Variants in BMP7 observed in about 807,000 individuals in gnomAD.
BMP7 encodes osteogenic protein 1.
Under a neutral mutation model 41.2 loss-of-function variants are expected in BMP7, and 12 were observed. That is an observed-to-expected ratio of 0.29 (90% CI 0.19 to 0.47). The LOEUF is 0.47. BMP7 is among the 20% of genes least tolerant of loss of function. The pLI, the probability that BMP7 is intolerant of heterozygous loss-of-function variation, is 0.99. For missense variants in BMP7, 467 were observed against 606.0 expected (o/e 0.77, Z 2.41); for synonymous variants, 248 against 250.0 (o/e 0.99, Z 0.07).
chr20:57,226,679 C>T (rs2066007721), intron 2 of BMP7, among the ~76,000 whole-genome samples: 1 of 152,206 alleles, frequency 6.6e-6, no homozygotes, highest in Non-Finnish European at 1.5e-5. Context: ...AAAACAGCAA[C>T]ACAGATTCCT....
chr20:57,169,538 C>T lies in BMP7; in HGVS notation c.*1421G>A, dbSNP rs1258925648. 6.6e-6 allele frequency: 1 copy of T among 152,234 alleles called. No homozygotes were observed. The highest frequency in any genetic ancestry group is 2.4e-5 in the African/African-American group (1 of 41,446). 9.4% of individuals were successfully genotyped at this position (152,234 alleles called of 1,614,324 possible). A position where few individuals can be genotyped will look rare whatever the true frequency, so the allele number is the denominator to read the frequency against. On this transcript the variant is annotated 3_prime_UTR_variant, in exon 7 of 7. Transcript: ENST00000395863. Reference sequence around the variant, plus strand: ...ATGTAAGTCCAGCACATCCTGCACCCATCAGACCTCCTATTATGCCATCTC... The same window carrying T: ...ATGTAAGTCCAGCACATCCTGCACCTATCAGACCTCCTATTATGCCATCTC...
In BMP7 at chr20:57,170,931, C is replaced by T; in HGVS notation, c.*28G>A. On this transcript the variant is annotated 3_prime_UTR_variant, in exon 7 of 7. Transcript: ENST00000395863. ...CAATGGAGGATCCAGAAAAACTTGG[C>T]CCCAAAGGGTCTGAATTCTCGGAGG... The T allele has an allele frequency of 6.2e-7, 1 of 1,611,044 alleles. No individual in the cohort carries two copies. The highest frequency in any genetic ancestry group is 2.2e-5 in the East Asian group (1 of 44,848).
chr20:57,264,528 G>A (rs935477916), intron 1 of BMP7, among the ~76,000 whole-genome samples: 2 of 152,190 alleles, frequency 1.3e-5, no homozygotes, highest in African/African-American at 4.8e-5. Flanking sequence ...TGGAGGGGGA[G>A]CTCCCCGGCC....
Position 57,261,955 on chromosome 20 carries a change from C to CTTCT in BMP7, c.418+3746_418+3749dup, listed in dbSNP as rs1443885729. Among the ~76,000 whole-genome samples the CTTCT allele has an allele frequency of 1.3e-5, 2 of 152,192 alleles. No individual in the cohort carries two copies. The highest frequency in any genetic ancestry group is 2.9e-5 in the Non-Finnish European group (2 of 68,038). ...TAAAGCAAAAATCAAACTGCACGGC[C>CTTCT]TTCTCCCTACTCTTCAGCTACATTA... On this transcript the variant is annotated intron_variant, in intron 1 of 6. Coordinates refer to ENST00000395863, the MANE Select transcript of BMP7 (RefSeq NM_001719.3). The surrounding 1 kb of genome is among the most constrained non-coding windows in gnomAD (Gnocchi z 4.1).
At chr20:57,194,956 G>C (rs1446670558) in intron 3 of BMP7, among the ~76,000 whole-genome samples, 1 of 152,208 alleles carries the variant, frequency 6.6e-6, no homozygotes, top group East Asian at 1.9e-4. Flanking sequence ...CATAGATGTA[G>C]GTGACTTACG....
Position 57,170,098 on chromosome 20 carries a change from T to C in BMP7, c.*861A>G, listed in dbSNP as rs538342951. On this transcript the variant is annotated 3_prime_UTR_variant, in exon 7 of 7. Transcript: ENST00000395863. ...CAACAGGGTTGAGTTGCAAGTTCCA[T>C]CCTACTTGCTGTCCTTGTCCCCTCT... The C allele has an allele frequency of 5.2e-5, 8 of 152,404 alleles. No individual in the cohort carries two copies. The highest frequency in any genetic ancestry group is 5.2e-4 in the Admixed American group (8 of 15,284). The allele number at this position is 152,404 out of a possible 1,614,324, so 9.4% of individuals were successfully genotyped here.
chr20:57,186,909 A>G (rs1442128755), intron 3 of BMP7: 1 of 152,184 alleles, frequency 6.6e-6, no homozygotes, highest in African/African-American at 2.4e-5. Flanking sequence ...GGTTTCCCGG[A>G]GTTCACCCAT....
In BMP7 at chr20:57,213,252, TCA is replaced by T. The variant is rs1984936463; in HGVS notation, c.612-10631_612-10630del. On this transcript the variant is annotated intron_variant, in intron 2 of 6. Coordinates refer to ENST00000395863, the MANE Select transcript of BMP7 (RefSeq NM_001719.3). The surrounding 1 kb of genome is among the most constrained non-coding windows in gnomAD (Gnocchi z 4.4). ...GTCCAGCACCCGGAGGCCAGCGTTGTCACAGTCAGAAGGCGAGTCAGTGGCCC... is the reference window on the plus strand; with the variant it reads ...GTCCAGCACCCGGAGGCCAGCGTTGTCAGTCAGAAGGCGAGTCAGTGGCCC... 6.6e-6 allele frequency among the ~76,000 whole-genome samples: 1 copy of T among 152,226 alleles called. No individual in the cohort carries two copies. The highest frequency in any genetic ancestry group is 1.5e-5 in the Non-Finnish European group (1 of 68,042).
chr20:57,182,986 G>A (rs1984119221), intron 4 of BMP7, among the ~76,000 whole-genome samples: 2 of 152,230 alleles, frequency 1.3e-5, no homozygotes, highest in East Asian at 1.9e-4. Flanking sequence ...TGTAATCCCA[G>A]CACTTTGGGA....
intron 3 of BMP7, among the ~76,000 whole-genome samples, chr20:57,192,185 TTA>T (rs1984379112): frequency 7.9e-6 from 1 of 127,012 alleles, no homozygotes; most frequent in Non-Finnish European, 1.6e-5. Context: ...ATACTATATA[TTA>T]TATATAGTAT....
chr20:57,249,070 G>A (rs993815934), intron 1 of BMP7, among the ~76,000 whole-genome samples: 1 of 151,988 alleles, frequency 6.6e-6, no homozygotes, highest in Non-Finnish European at 1.5e-5. Flanking sequence ...CAAAGTGCTA[G>A]GATTACAGGC....
chr20:57,266,067 G>T lies in BMP7; in HGVS notation c.56C>A (p.Ala19Glu). 6.5e-7 allele frequency: 1 copy of T among 1,539,946 alleles called. No homozygotes were observed. Among genetic ancestry groups the T allele is most frequent in the Non-Finnish European group, 8.7e-7 (1 of 1,146,740 alleles). Residue 19 changes from alanine (A) to glutamate (E), a missense_variant, in exon 1 of 7, where the codon GCA (alanine) becomes GAA (glutamate). Ala to Glu is a moderately radical substitution (Grantham distance 107). Coordinates refer to ENST00000395863, the MANE Select transcript of BMP7 (RefSeq NM_001719.3). ...AAPHSFVALW[A>E]PLFLLRSALA... ...GGCGGAGCGCAGCAGGAACAGGGGT[G>T]CCCAGAGCGCCACGAAGCTGTGCGG...
At chr20:57,221,811 CAA>C (rs57893562) in intron 2 of BMP7, among the ~76,000 whole-genome samples, 1,832 of 127,284 alleles carry the variant, frequency 0.014, 20 homozygotes, top group African/African-American at 0.048. Context: ...CCCTATCTCT[CAA>C]AAAAAAAAAA....
rs951730826 is a variant in BMP7, at chr20:57,213,654, C to T, written c.612-11031G>A. 6.6e-6 allele frequency among the ~76,000 whole-genome samples: 1 copy of T among 152,134 alleles called. No homozygotes were observed. Among genetic ancestry groups the T allele is most frequent in the Non-Finnish European group, 1.5e-5 (1 of 68,030 alleles). On this transcript the variant is annotated intron_variant, in intron 2 of 6. Transcript: ENST00000395863. This position sits in a 1 kb window ranked among gnomAD's most constrained non-coding sequence, Gnocchi z 4.4. ...TCTCCCTCATTAGAGACACAGCCACCAGCAGAGACAATCAGGGGGTGAGAG... is the reference window on the plus strand; with the variant it reads ...TCTCCCTCATTAGAGACACAGCCACTAGCAGAGACAATCAGGGGGTGAGAG...
chr20:57,260,544 C>G (rs2066149915), intron 1 of BMP7, among the ~76,000 whole-genome samples: 1 of 152,130 alleles, frequency 6.6e-6, no homozygotes, highest in South Asian at 2.1e-4. Context: ...AGTTCCTCAC[C>G]CCATGAAGGC....
intron 3 of BMP7, among the ~76,000 whole-genome samples, chr20:57,199,862 G>C (rs910208201): frequency 1.3e-5 from 2 of 152,222 alleles, no homozygotes; most frequent in African/African-American, 4.8e-5. Flanking sequence ...CCAAGTCACT[G>C]GGCGGTGGCA....
chr20:57,237,633 T>A (rs753634780), intron 1 of BMP7, among the ~76,000 whole-genome samples: 9 of 152,174 alleles, frequency 5.9e-5, no homozygotes, highest in Non-Finnish European at 1.0e-4. Context: ...AACAGGAAAA[T>A]GTTCTCTTAA....
chr20:57,263,913 A>G (rs1402756832), intron 1 of BMP7, among the ~76,000 whole-genome samples: 1 of 151,752 alleles, frequency 6.6e-6, no homozygotes, highest in Non-Finnish European at 1.5e-5. Context: ...CTCCAGTAAA[A>G]TCTCTCTCCA....
intron 2 of BMP7, among the ~76,000 whole-genome samples, chr20:57,205,618 G>T (rs1181952198): frequency 6.6e-6 from 1 of 152,200 alleles, no homozygotes; most frequent in African/African-American, 2.4e-5. Flanking sequence ...AAACCCAGAT[G>T]GTGATTTTGC....
Sources: gnomAD v4.1 joint callset for allele counts (sites outside exome capture counted in the v4.1 genomes callset) on GRCh38, gnomAD v4.1.1 for gene constraint, Gnocchi (gnomAD v3.1) non-coding constraint, MANE v1.5 for transcripts, NCBI Gene and HGNC (gene_info 2026-07-23, HGNC 2026-07-21) for gene names.